RBFOX1: variants seen among roughly 807,000 people sequenced by gnomAD.
RBFOX1 encodes RNA binding fox-1 homolog 1, also known as RNA binding protein fox-1 homolog 1.
RBFOX1 carries 8 observed loss-of-function variants against 57.7 expected under a neutral mutation model. The ratio of observed to expected loss-of-function variants is 0.14; its 90% confidence interval spans 0.08 to 0.25. The LOEUF (loss-of-function observed/expected upper bound fraction) is 0.25. Ranked by LOEUF, RBFOX1 falls within the 10% of genes least tolerant of loss-of-function variation. RBFOX1 has a pLI of 1.00. For synonymous variants in RBFOX1, 326 were observed against 222.4 expected (o/e 1.47, Z -4.15); for missense variants, 611 against 548.5 (o/e 1.11, Z -1.14).
chr16:6,392,201 C>T (rs776075446), intron 2 of RBFOX1, among the ~76,000 whole-genome samples: 6 of 152,202 alleles, frequency 3.9e-5, no homozygotes, highest in African/African-American at 7.2e-5. Context: ...CGTGGCCCAA[C>T]GTAGCCTTTT....
chr16:5,578,696 C>G (rs1296295789), intron 2 of RBFOX1, among the ~76,000 whole-genome samples: 1 of 152,052 alleles, frequency 6.6e-6, no homozygotes, highest in Admixed American at 6.6e-5. Context: ...AACTCATCCT[C>G]AGGAACTCCT....
chr16:7,700,596 A>G (rs138080202), intron 14 of RBFOX1, among the ~76,000 whole-genome samples: 3 of 152,220 alleles, frequency 2.0e-5, no homozygotes, highest in African/African-American at 7.2e-5. Flanking sequence ...TGATTTTGGT[A>G]GAGCAGGAGT....
chr16:6,602,619 T>A (rs1567840681), intron 2 of RBFOX1, among the ~76,000 whole-genome samples: 1 of 152,174 alleles, frequency 6.6e-6, no homozygotes, highest in African/African-American at 2.4e-5. Flanking sequence ...TTCTCCTGGC[T>A]CCAGTTCCAT....
intron 2 of RBFOX1, among the ~76,000 whole-genome samples, chr16:6,623,225 T>C (rs1016207852): frequency 1.3e-5 from 2 of 152,066 alleles, no homozygotes; most frequent in Non-Finnish European, 1.5e-5. Context: ...CAATTTGAGA[T>C]TATCTGGGAG....
chr16:6,232,944 G>T (rs376012024), intron 1 of RBFOX1, among the ~76,000 whole-genome samples: 1 of 152,090 alleles, frequency 6.6e-6, no homozygotes, highest in African/African-American at 2.4e-5. Flanking sequence ...AGGGAATCAG[G>T]GTTTGAGAAC....
intron 3 of RBFOX1, among the ~76,000 whole-genome samples, chr16:6,868,490 T>C (rs1204144850): frequency 6.6e-6 from 1 of 151,992 alleles, no homozygotes; most frequent in African/African-American, 2.4e-5. Context: ...TGATTTTTTT[T>C]TGAGACAGTC....
chr16:7,681,310 G>A (rs1047737612), intron 14 of RBFOX1, among the ~76,000 whole-genome samples: 3 of 152,030 alleles, frequency 2.0e-5, no homozygotes, highest in African/African-American at 7.2e-5. Flanking sequence ...AGCAAGGAAG[G>A]GACCATCTTT....
downstream of RBFOX1, among the ~76,000 whole-genome samples, chr16:5,600,650 A>C (rs2047336860): frequency 6.6e-6 from 1 of 152,088 alleles, no homozygotes; most frequent in Non-Finnish European, 1.5e-5. Context: ...TGGAATCTGT[A>C]AGGGCCCACT....
upstream of RBFOX1, among the ~76,000 whole-genome samples, chr16:6,016,689 G>A (rs1015531994): frequency 1.3e-5 from 2 of 152,106 alleles, no homozygotes; most frequent in African/African-American, 4.8e-5. Context: ...CCAGTAGGAG[G>A]AGCCAAAGTC....
At chr16:6,800,413 A>G (rs1211799402) in intron 3 of RBFOX1, among the ~76,000 whole-genome samples, 1 of 152,024 alleles carries the variant, frequency 6.6e-6, no homozygotes, top group Non-Finnish European at 1.5e-5. Context: ...TCACTCTTTA[A>G]CAGTGATAGG....
rs185567631 is a variant in RBFOX1, at chr16:6,024,783, C to T, written c.-127+4791C>T. Among the ~76,000 whole-genome samples the T allele has an allele frequency of 1.3e-3, 202 of 152,366 alleles. 1 individual carries two copies. The highest frequency in any genetic ancestry group is 4.5e-3 in the African/African-American group (189 of 41,592). ...ACAGGCGTGAGCCACCACGCCCAGC[C>T]TCATTCACCCCTACTTTCTATGAAT... On this transcript the variant is annotated intron_variant, in intron 1 of 15. Transcript: ENST00000550418.
chr16:6,298,858 G>A (rs2078451495), intron 1 of RBFOX1, among the ~76,000 whole-genome samples: 1 of 152,124 alleles, frequency 6.6e-6, no homozygotes, highest in Admixed American at 6.6e-5. Context: ...TGGAAAATTT[G>A]GAATTATAGC....
At chr16:7,289,064 C>T (rs996665765) in intron 4 of RBFOX1, among the ~76,000 whole-genome samples, 12 of 152,114 alleles carry the variant, frequency 7.9e-5, no homozygotes. Context: ...TTATTAACAT[C>T]CAACAGAGTT....
intron 1 of RBFOX1, among the ~76,000 whole-genome samples, chr16:5,424,421 C>T (rs773337488): frequency 6.6e-6 from 1 of 152,170 alleles, no homozygotes; most frequent in Non-Finnish European, 1.5e-5. Flanking sequence ...AACTCTGTCC[C>T]CACCGTTAGT....
At chr16:7,676,981 G>T (rs142234874) in intron 14 of RBFOX1, 143 bp downstream of exon 14, 2 of 722,716 alleles carry the variant, frequency 2.8e-6, no homozygotes, top group East Asian at 5.4e-5. Context: ...TGGTGAACGT[G>T]AACTCAAGTC....
intron 2 of RBFOX1, among the ~76,000 whole-genome samples, chr16:6,503,986 C>T (rs1201732283): frequency 6.6e-6 from 1 of 152,184 alleles, no homozygotes; most frequent in Non-Finnish European, 1.5e-5. Flanking sequence ...GTAGTCTCTC[C>T]CTTTTTAAGA....
intron 1 of RBFOX1, among the ~76,000 whole-genome samples, chr16:6,060,600 A>C (rs1235014385): frequency 6.6e-6 from 1 of 152,124 alleles, no homozygotes; most frequent in African/African-American, 2.4e-5. Context: ...GGTGTTGTAA[A>C]CAGGAGTTCT....
intron 4 of RBFOX1, among the ~76,000 whole-genome samples, chr16:7,314,987 C>G (rs2096403889): frequency 6.6e-6 from 1 of 152,092 alleles, no homozygotes; most frequent in African/African-American, 2.4e-5. Context: ...TAATTTTAAC[C>G]TCCGCTTTTA....
At chr16:5,786,053 T>G (rs1597246811) in intron 3 of RBFOX1, among the ~76,000 whole-genome samples, 1 of 152,312 alleles carries the variant, frequency 6.6e-6, no homozygotes, top group South Asian at 2.1e-4. Flanking sequence ...TGTCATTCCC[T>G]GAATTGGTCC....
Sources: allele counts gnomAD v4.1 joint callset (sites outside exome capture counted in the v4.1 genomes callset), GRCh38; gene constraint gnomAD v4.1.1; transcripts MANE v1.5; gene names NCBI Gene and HGNC (gene_info 2026-07-23, HGNC 2026-07-21).